The following ITPR2 variants were observed in gnomAD, a reference collection of about 807,000 sequenced individuals.
ITPR2 encodes inositol 1,4,5-trisphosphate-gated calcium channel ITPR2.
In ITPR2, 207 loss-of-function variants were observed where a neutral mutation model predicts 317.1. The observed-to-expected ratio is 0.65, with a 90% CI of 0.58 to 0.73. The LOEUF is 0.73. Ranked by LOEUF, ITPR2 falls within the 30% of genes least tolerant of loss-of-function variation. The pLI is 0.00. For missense variants in ITPR2, 2,613 were observed against 3,284.0 expected (o/e 0.80, Z 4.99); for synonymous variants, 1,156 against 1,149.1 (o/e 1.01, Z -0.12).
At chr12:26,812,952 C>T (rs201800502) in intron 1 of ITPR2, among the ~76,000 whole-genome samples, 1 of 152,164 alleles carries the variant, frequency 6.6e-6, no homozygotes, top group East Asian at 1.9e-4. Flanking sequence ...AACCAACCAA[C>T]GTCTTCAATA....
rs150307608 is a variant in ITPR2, at chr12:26,483,159, T to C, written c.6012+539A>G. On this transcript the variant is annotated intron_variant, in intron 42 of 56. Coordinates refer to ENST00000381340, the MANE Select transcript of ITPR2 (RefSeq NM_002223.4). ...AAACTGTGCCCTCCAAAATGTAATA[T>C]AGTCAAAAGAGCACTCGATTTAGAC... Among the ~76,000 whole-genome samples, 84 of 152,300 alleles carry C rather than the reference T, an allele frequency of 5.5e-4. No homozygotes were observed. In the East Asian group the frequency reaches 7.5e-3, roughly 14 times the overall value.
At chr12:26,578,581 C>T in intron 34 of ITPR2, 132 bp downstream of exon 34, 1 of 684,050 alleles carries the variant, frequency 1.5e-6, no homozygotes, top group South Asian at 2.8e-5. Flanking sequence ...CTGATGGCTG[C>T]TCTTCAGTTT....
chr12:26,732,619 A>G (rs1056074343), intron 2 of ITPR2, among the ~76,000 whole-genome samples: 1 of 152,192 alleles, frequency 6.6e-6, no homozygotes, highest in Non-Finnish European at 1.5e-5. Context: ...CATGTTACAG[A>G]GAAGGAAACT....
At chr12:26,406,193 C>T (rs1940342686) in intron 52 of ITPR2, among the ~76,000 whole-genome samples, 1 of 152,002 alleles carries the variant, frequency 6.6e-6, no homozygotes, top group South Asian at 2.1e-4. Context: ...TGACTGGTTT[C>T]TGGTATTCAT....
At chr12:26,408,408 G>A (rs927462028) in intron 52 of ITPR2, among the ~76,000 whole-genome samples, 4 of 152,110 alleles carry the variant, frequency 2.6e-5, no homozygotes, top group African/African-American at 9.7e-5. Flanking sequence ...TAGTAATAAC[G>A]TATGAAATAA....
Position 26,550,307 on chromosome 12 carries a change from G to A in ITPR2, c.5013C>T (p.Cys1671=). 1.3e-6 allele frequency: 2 copies of A among 1,546,634 alleles called. No individual in the cohort carries two copies. The highest frequency in any genetic ancestry group is 2.3e-5 in the South Asian group (2 of 87,532). Reference sequence around the variant, plus strand: ...CTCGTAATGTCTGAAGAATTTTAATGCACAGTTTTTCTTCTTTCTCCATTA... The same window carrying A: ...CTCGTAATGTCTGAAGAATTTTAATACACAGTTTTTCTTCTTTCTCCATTA... The part of the protein sequence containing the change: ...KKLMEKEEKL[C]IKILQTLREM... Residue 1671 remains cysteine (C), a synonymous_variant, in exon 37 of 57, where the codon TGC becomes TGT. Coordinates refer to ENST00000381340, the MANE Select transcript of ITPR2 (RefSeq NM_002223.4).
At chr12:26,519,530 ATATT>A (rs1354945556) in intron 37 of ITPR2, among the ~76,000 whole-genome samples, 6 of 152,232 alleles carry the variant, frequency 3.9e-5, no homozygotes, top group African/African-American at 1.4e-4. Flanking sequence ...AAAATAAAAT[ATATT>A]TATCTTGTCC....
Position 26,811,928 on chromosome 12 carries a change from C to T in ITPR2, c.92+20762G>A, listed in dbSNP as rs146148871. On this transcript the variant is annotated intron_variant, in intron 1 of 56. Transcript: ENST00000381340. ...CCTGTAATCCCAGCACTTTGGGAGG[C>T]CAAGGGGCAGATCACTTGAGGCCAG... Among the ~76,000 whole-genome samples the T allele has an allele frequency of 8.3e-3, 1,243 of 150,444 alleles. 12 individuals carry two copies. The highest frequency in any genetic ancestry group is 0.029 in the African/African-American group (1,182 of 40,986).
chr12:26,784,026 A>C (rs1950143915), intron 2 of ITPR2, among the ~76,000 whole-genome samples: 1 of 147,422 alleles, frequency 6.8e-6, no homozygotes. Flanking sequence ...TGAAGTCTGG[A>C]ATGCAGTCAA....
intron 25 of ITPR2, 39 bp from the exon 26 acceptor site, chr12:26,621,335 A>C: frequency 6.8e-7 from 1 of 1,465,654 alleles, no homozygotes; most frequent in Non-Finnish European, 9.4e-7. Flanking sequence ...GAAGTTCACT[A>C]TTTCTAGAAT....
rs571493398 is a variant in ITPR2 at position 26,522,697 on chromosome 12, A to C, written c.5074-27437T>G. On this transcript the variant is annotated intron_variant, in intron 37 of 56. Transcript: ENST00000381340. ...CACACGTCATTTAGATAATCTATTA[A>C]ATTGAAAAATTGTTAAATTCTGGGT... Among the ~76,000 whole-genome samples, 3 of 152,362 alleles carry C rather than the reference A, an allele frequency of 2.0e-5. No homozygotes were observed. In the South Asian group the frequency reaches 6.2e-4, roughly 32 times the overall value.
At chr12:26,512,941 C>T (rs1279554244) in intron 37 of ITPR2, among the ~76,000 whole-genome samples, 1 of 119,182 alleles carries the variant, frequency 8.4e-6, no homozygotes, top group Non-Finnish European at 2.1e-5. Flanking sequence ...TCTGCCTCAG[C>T]CTCCCAAGTA....
chr12:26,541,999 A>G (rs1020039514), intron 37 of ITPR2, among the ~76,000 whole-genome samples: 1 of 152,180 alleles, frequency 6.6e-6, no homozygotes, highest in Non-Finnish European at 1.5e-5. Context: ...GTCTGCTACC[A>G]CTATTCAATG....
intron 24 of ITPR2, chr12:26,623,394 C>T (rs1946546016): frequency 2.0e-5 from 3 of 152,184 alleles, no homozygotes; most frequent in Admixed American, 6.5e-5. Flanking sequence ...GGTCACAGAG[C>T]TTGTTCAGGT....
At chr12:26,644,568 G>A (rs965372897) in intron 21 of ITPR2, among the ~76,000 whole-genome samples, 12 of 152,306 alleles carry the variant, frequency 7.9e-5, no homozygotes, top group South Asian at 6.2e-4. Context: ...AGGCAAAGGA[G>A]GGGCAAAGTC....
intron 2 of ITPR2, among the ~76,000 whole-genome samples, chr12:26,739,409 G>A (rs1281825276): frequency 6.6e-6 from 1 of 152,140 alleles, no homozygotes; most frequent in Non-Finnish European, 1.5e-5. Context: ...CAAACCAAAT[G>A]TCCAACTCCA....
intron 32 of ITPR2, among the ~76,000 whole-genome samples, chr12:26,583,233 G>T (rs1288903994): frequency 6.6e-6 from 1 of 151,666 alleles, no homozygotes; most frequent in African/African-American, 2.4e-5. Context: ...CATTTCCCTT[G>T]CTGTTAACAA....
At position 26,539,006 on chromosome 12, in the gene ITPR2, T is replaced by C. The variant is rs12813239; in HGVS notation, c.5073+11241A>G. 3.9e-3 allele frequency among the ~76,000 whole-genome samples: 590 copies of C among 152,282 alleles called. 3 individuals are homozygous for C. Among genetic ancestry groups the C allele is most frequent in the Non-Finnish European group, 6.7e-3 (454 of 68,024 alleles). On this transcript the variant is annotated intron_variant, in intron 37 of 56. Coordinates refer to ENST00000381340, the MANE Select transcript of ITPR2 (RefSeq NM_002223.4). ...AGCAGACACAGACACATTGTTACCT[T>C]GCAAACAGCTTCTCTAGATATGCCT...
At chr12:26,819,094 G>C (rs1950901288) in intron 1 of ITPR2, among the ~76,000 whole-genome samples, 1 of 152,182 alleles carries the variant, frequency 6.6e-6, no homozygotes, top group Non-Finnish European at 1.5e-5. Context: ...ATTATAGGAT[G>C]TTAGAACCAG....
Sources: gnomAD v4.1 joint callset for allele counts (sites outside exome capture counted in the v4.1 genomes callset) on GRCh38, gnomAD v4.1.1 for gene constraint, MANE v1.5 for transcripts, NCBI Gene and HGNC (gene_info 2026-07-23, HGNC 2026-07-21) for gene names.